Variants in PACRG observed in about 807,000 individuals in gnomAD.
PACRG encodes the protein parkin coregulated gene protein.
Under a neutral mutation model 29.7 loss-of-function variants are expected in PACRG, and 29 were observed. The ratio of observed to expected loss-of-function variants is 0.98; its 90% CI spans 0.73 to 1.33. The LOEUF is 1.33. Among genes scored for constraint, PACRG ranks in the 40% most tolerant of loss-of-function variants. PACRG has a pLI of 0.00. For synonymous variants in PACRG, 116 were observed against 118.7 expected, an observed-to-expected ratio of 0.98 and a Z score of 0.15; for missense variants, 279 against 316.2, an observed-to-expected ratio of 0.88 and a Z score of 0.89.
chr6:163,179,459 G>A, intron 4 of PACRG: 1 of 287,064 alleles, frequency 3.5e-6, no homozygotes, highest in South Asian at 3.2e-5. Context: ...CAACACTTTG[G>A]GAGGCTGATG....
At chr6:162,749,354 G>A (rs1000853465) in intron 1 of PACRG, among the ~76,000 whole-genome samples, 7 of 152,054 alleles carry the variant, frequency 4.6e-5, no homozygotes, top group African/African-American at 1.4e-4. Flanking sequence ...GCTTTTCCTC[G>A]GCTGGCACAT....
At chr6:162,972,554 C>A (rs566296427) in intron 2 of PACRG, among the ~76,000 whole-genome samples, 2 of 152,250 alleles carry the variant, frequency 1.3e-5, no homozygotes, top group South Asian at 2.1e-4. Flanking sequence ...TAAATCATAA[C>A]CTGAACAGAC....
Position 163,304,015 on chromosome 6 carries a change from CAAAAAAAAA to C in PACRG, c.614-10797_614-10789del, listed in dbSNP as rs59861286. ...TGGGTGACAGAGCAAGACTCCATTT[CAAAAAAAAA>C]AAAAAAAAAAAAAAGTAAATGGGAT... On this transcript the variant is annotated intron_variant, in intron 4 of 4. Transcript: ENST00000366888. 6.6e-5 allele frequency among the ~76,000 whole-genome samples: 5 copies of C among 76,258 alleles called. No individual in the cohort carries two copies. In the South Asian group the frequency reaches 1.5e-3, roughly 23 times the overall value. The allele number at this position is 76,258 out of a possible 152,430, so 50.0% of individuals were successfully genotyped here.
At chr6:163,266,667 T>C (rs1482604117) in intron 4 of PACRG, among the ~76,000 whole-genome samples, 1 of 152,218 alleles carries the variant, frequency 6.6e-6, no homozygotes, top group Non-Finnish European at 1.5e-5. Flanking sequence ...GACTTTTGCA[T>C]GTATTACCTC....
intron 4 of PACRG, among the ~76,000 whole-genome samples, chr6:163,308,879 G>A (rs1405196445): frequency 6.6e-6 from 1 of 152,142 alleles, no homozygotes; most frequent in Non-Finnish European, 1.5e-5. Context: ...CTTTAGCTGT[G>A]ACTGATGACG....
chr6:162,747,388 ATGT>A lies in PACRG; in HGVS notation c.156+18998_156+19000del, dbSNP rs1781123045. Among the ~76,000 whole-genome samples the A allele has an allele frequency of 5.2e-5, 3 of 57,680 alleles. 1 individual carries two copies. The highest frequency in any genetic ancestry group is 2.2e-3 in the South Asian group (2 of 920). The allele number at this position is 57,680 out of a possible 152,430, so 37.8% of individuals were successfully genotyped here. On this transcript the variant is annotated intron_variant, in intron 1 of 4. Coordinates refer to ENST00000366888, the MANE Select transcript of PACRG (RefSeq NM_001080379.2). Reference sequence around the variant, plus strand: ...TACACATACATATATATGTATATATATGTATATATATATGTATATATATATATA... The same window carrying A: ...TACACATACATATATATGTATATATAATATATATATGTATATATATATATA...
chr6:163,309,040 A>AG (rs1785302971), intron 4 of PACRG, among the ~76,000 whole-genome samples: 1 of 151,806 alleles, frequency 6.6e-6, no homozygotes, highest in African/African-American at 2.4e-5. Context: ...TTTTTTTTTT[A>AG]AATTCCACTC....
chr6:163,036,375 G>C (rs1453403226), intron 2 of PACRG, among the ~76,000 whole-genome samples: 1 of 152,160 alleles, frequency 6.6e-6, no homozygotes, highest in East Asian at 1.9e-4. Flanking sequence ...AAACTGCTAG[G>C]CTGCATATTG....
intron 2 of PACRG, among the ~76,000 whole-genome samples, chr6:162,914,989 A>T (rs1796608588): frequency 1.3e-5 from 2 of 152,050 alleles, no homozygotes; most frequent in South Asian, 4.1e-4. Flanking sequence ...GAACAGTTTT[A>T]CTTCATCCTT....
chr6:162,849,053 G>A (rs1166199237), intron 2 of PACRG, among the ~76,000 whole-genome samples: 3 of 152,170 alleles, frequency 2.0e-5, no homozygotes, highest in Non-Finnish European at 4.4e-5. Context: ...AAACACAAGA[G>A]AAGGGCTGGG....
chr6:163,191,110 T>G (rs1780190846), intron 4 of PACRG: 1 of 387,300 alleles, frequency 2.6e-6, no homozygotes, highest in Admixed American at 2.9e-5. Context: ...AAAGAGGGAC[T>G]ATGTATTCAC....
intron 1 of PACRG, among the ~76,000 whole-genome samples, chr6:162,790,207 C>T (rs1053364563): frequency 1.3e-5 from 2 of 152,136 alleles, no homozygotes; most frequent in Non-Finnish European, 2.9e-5. Context: ...GGCATGAATG[C>T]AGCGTGGCTG....
At chr6:163,212,725 C>A (rs552847457) in intron 4 of PACRG, among the ~76,000 whole-genome samples, 12 of 141,348 alleles carry the variant, frequency 8.5e-5, no homozygotes, top group African/African-American at 3.2e-4. Context: ...TATCTCCCAA[C>A]AAAATGCACA....
chr6:162,877,059 C>G (rs1450156585), intron 2 of PACRG, among the ~76,000 whole-genome samples: 1 of 152,042 alleles, frequency 6.6e-6, no homozygotes, highest in Non-Finnish European at 1.5e-5. Context: ...CCAGAAATAC[C>G]ATTTGACCCA....
intron 2 of PACRG, among the ~76,000 whole-genome samples, chr6:162,882,559 G>T (rs969601706): frequency 3.3e-5 from 5 of 152,112 alleles, no homozygotes; most frequent in African/African-American, 1.2e-4. Flanking sequence ...AGAGTGTGTA[G>T]ACCTCAGGGG....
In PACRG at chr6:162,748,354, G is replaced by A. The variant is rs1055246315; in HGVS notation, c.156+19963G>A. 5.3e-5 allele frequency among the ~76,000 whole-genome samples: 8 copies of A among 152,150 alleles called. No individual in the cohort carries two copies. In the East Asian group the frequency reaches 7.8e-4, roughly 15 times the overall value. On this transcript the variant is annotated intron_variant, in intron 1 of 4. Transcript: ENST00000366888. ...AAAAATACAAAAAAATTAGCCAGGCGTGGTGGCACCTGCCTGTTATCCCAG... is the reference window on the plus strand; with the variant it reads ...AAAAATACAAAAAAATTAGCCAGGCATGGTGGCACCTGCCTGTTATCCCAG...
chr6:163,255,364 C>T (rs1207062215), intron 4 of PACRG, among the ~76,000 whole-genome samples: 20 of 152,150 alleles, frequency 1.3e-4, no homozygotes, highest in Admixed American at 1.3e-3. Context: ...GACCTGAATC[C>T]AGGTACCTTC....
intron 4 of PACRG, among the ~76,000 whole-genome samples, chr6:163,144,233 CAA>C (rs754157729): frequency 5.9e-5 from 6 of 101,956 alleles, no homozygotes; most frequent in Admixed American, 1.1e-4. Context: ...CGTCTCAAAA[CAA>C]AAAAAAAAAA....
At chr6:162,784,280 A>G (rs1784297111) in intron 1 of PACRG, among the ~76,000 whole-genome samples, 1 of 152,174 alleles carries the variant, frequency 6.6e-6, no homozygotes, top group South Asian at 2.1e-4. Context: ...ATGGCCATTT[A>G]ACTAAGTCCT....
Sources: gnomAD v4.1 joint callset for allele counts (sites outside exome capture counted in the v4.1 genomes callset) on GRCh38, gnomAD v4.1.1 for gene constraint, MANE v1.5 for transcripts, NCBI Gene and HGNC (gene_info 2026-07-23, HGNC 2026-07-21) for gene names.